SMG7: variants seen among roughly 807,000 people sequenced by gnomAD.
The protein encoded by SMG7 is SMG7 nonsense mediated mRNA decay factor, also known as nonsense-mediated mRNA decay factor SMG7.
In SMG7, 34 loss-of-function variants were observed where a neutral mutation model predicts 148.2. The observed-to-expected ratio is 0.23, with a 90% CI of 0.17 to 0.31. The LOEUF is 0.31. Ranked by LOEUF, SMG7 falls within the 10% of genes least tolerant of loss-of-function variation. The pLI, the probability that SMG7 is intolerant of heterozygous loss-of-function variation, is 1.00. For synonymous variants in SMG7, 492 were observed against 515.1 expected (o/e 0.96, Z 0.61); for missense variants, 1,114 against 1,408.4 (o/e 0.79, Z 3.35).
intron 2 of SMG7, chr1:183,513,505 G>T (rs1294415858): frequency 6.6e-6 from 1 of 152,658 alleles, no homozygotes; most frequent in Non-Finnish European, 1.5e-5. Flanking sequence ...CTGAGTAGGT[G>T]TGATTATAGG....
chr1:183,484,637 G>A (rs770672044), intron 1 of SMG7, among the ~76,000 whole-genome samples: 31 of 151,946 alleles, frequency 2.0e-4, no homozygotes, highest in Non-Finnish European at 3.7e-4. Flanking sequence ...TTGTATGAGG[G>A]TTACTTGCTT....
chr1:183,497,567 TTTTA>T (rs569846205), intron 1 of SMG7, among the ~76,000 whole-genome samples: 1 of 152,104 alleles, frequency 6.6e-6, no homozygotes, highest in South Asian at 2.1e-4. Context: ...TTATTTTTTA[TTTTA>T]TTTATTTATT....
intron 10 of SMG7, among the ~76,000 whole-genome samples, chr1:183,535,506 T>C (rs867258218): frequency 6.6e-6 from 1 of 152,220 alleles, no homozygotes; most frequent in African/African-American, 2.4e-5. Flanking sequence ...AAACTGAAGA[T>C]TTTTCCTTGT....
chr1:183,518,483 A>G (rs568529006), intron 4 of SMG7: 1 of 152,244 alleles, frequency 6.6e-6, no homozygotes, highest in African/African-American at 2.4e-5. Flanking sequence ...GCGCCAGATA[A>G]GAAATAGTCA....
At chr1:183,523,209 TAATC>T (rs970625649) in intron 4 of SMG7, among the ~76,000 whole-genome samples, 1 of 152,204 alleles carries the variant, frequency 6.6e-6, no homozygotes, top group Non-Finnish European at 1.5e-5. Context: ...TATACCTTCA[TAATC>T]AATCTTTCAT....
intron 1 of SMG7, among the ~76,000 whole-genome samples, chr1:183,482,539 G>A (rs1484584696): frequency 6.6e-6 from 1 of 152,038 alleles, no homozygotes; most frequent in Non-Finnish European, 1.5e-5. Context: ...TATGGTTTTA[G>A]TTACCTTGTG....
Position 183,527,404 on chromosome 1 carries a change from C to T in SMG7, c.485-552C>T, listed in dbSNP as rs1160970558. ...TAGATTTCTTAATATTGTAAGTCAG[C>T]GGTTCCATGAGGAGGTCACATCAGA... is the stretch of plus-strand genomic sequence containing the variant. On this transcript the variant is annotated intron_variant, in intron 5 of 22. Coordinates refer to ENST00000688051, the MANE Select transcript of SMG7 (RefSeq NM_001375584.1). This position sits in a 1 kb window ranked among gnomAD's most constrained non-coding sequence, Gnocchi z 4.0. Among the ~76,000 whole-genome samples the T allele has an allele frequency of 2.0e-5, 3 of 152,098 alleles. No homozygotes were observed. Among genetic ancestry groups the T allele is most frequent in the East Asian group, 1.9e-4 (1 of 5,190 alleles).
intron 4 of SMG7, among the ~76,000 whole-genome samples, chr1:183,519,152 C>G (rs931835339): frequency 6.6e-6 from 1 of 152,086 alleles, no homozygotes; most frequent in Non-Finnish European, 1.5e-5. Flanking sequence ...GTGATTGTGC[C>G]ACTGTACTCC....
intron 11 of SMG7, among the ~76,000 whole-genome samples, chr1:183,537,859 T>A (rs1286470907): frequency 6.6e-6 from 1 of 152,236 alleles, no homozygotes; most frequent in Non-Finnish European, 1.5e-5. Context: ...TAAATAATGC[T>A]GCACTGAACA....
intron 14 of SMG7, among the ~76,000 whole-genome samples, chr1:183,544,115 T>A (rs527573688): frequency 1.4e-4 from 22 of 152,286 alleles, no homozygotes; most frequent in African/African-American, 4.8e-4. Flanking sequence ...CATTTTTGGA[T>A]TTTTGTGATC....
chr1:183,550,671 C>T (rs1273551631), intron 20 of SMG7, 80 bp from the exon 21 acceptor site: 2 of 1,345,352 alleles, frequency 1.5e-6, no homozygotes, highest in African/African-American at 1.5e-5. Flanking sequence ...TTTTAGTGAT[C>T]AGATCTACAG....
At position 183,529,128 on chromosome 1, in the gene SMG7, A is replaced by T; in HGVS notation, c.707+86A>T. The stretch of plus-strand genomic sequence containing the variant: ...TTCCTCATAATTTGGTTTACAGAAA[A>T]TAACGGCCTATGCTTCTCTTATTTC... On this transcript the variant is annotated intron_variant, in intron 7 of 22. Coordinates refer to ENST00000688051, the MANE Select transcript of SMG7 (RefSeq NM_001375584.1). 3 of 1,247,414 alleles carry T rather than the reference A, an allele frequency of 2.4e-6. No homozygotes were observed. In the South Asian group the frequency reaches 4.3e-5, roughly 18 times the overall value. The allele number at this position is 1,247,414 out of a possible 1,614,324, so 77.3% of individuals were successfully genotyped here. A position where few individuals can be genotyped will look rare whatever the true frequency, so the allele number is the denominator to read the frequency against.
intron 1 of SMG7, among the ~76,000 whole-genome samples, chr1:183,473,402 G>A (rs17499589): frequency 0.086 from 13,011 of 151,978 alleles, 782 homozygotes; most frequent in Middle Eastern, 0.19. Context: ...GAGGTAGAGT[G>A]ACACATGGGA....
intron 4 of SMG7, among the ~76,000 whole-genome samples, chr1:183,519,270 C>T (rs529454838): frequency 6.6e-6 from 1 of 152,202 alleles, no homozygotes; most frequent in East Asian, 1.9e-4. Context: ...TAGACTAAAA[C>T]ATTCATCACA....
Position 183,553,237 on chromosome 1 carries a change from C to G in SMG7, c.*1306C>G, listed in dbSNP as rs1355638114. The G allele has an allele frequency of 1.3e-6, 2 of 1,501,766 alleles. No homozygotes were observed. The highest frequency in any genetic ancestry group is 2.4e-5 in the South Asian group (2 of 81,802). The allele number at this position is 1,501,766 out of a possible 1,614,324, so 93.0% of individuals were successfully genotyped here. On this transcript the variant is annotated 3_prime_UTR_variant, in exon 23 of 23. Coordinates refer to ENST00000688051, the MANE Select transcript of SMG7 (RefSeq NM_001375584.1). ...TGATATTTATTAGGAGGAAAGAGGA[C>G]TGAAAATGTTCTTGTGTAGAAACAG...
chr1:183,546,225 T>C lies in SMG7; in HGVS notation c.2630T>C (p.Met877Thr), dbSNP rs778139554. ...PEFYWDSSYS[M>T]ADNRSVMAQQ... ...TTCTACTGGGATTCTTCCTACAGCA[T>C]GGCTGATAACAGATCTGTAATGGCA... is the stretch of plus-strand genomic sequence containing the variant. The change falls in exon 17 of 23, where the codon ATG becomes ACG. Residue 877 changes from methionine (M) to threonine (T), a missense_variant. Transcript: ENST00000688051. 1 of 1,614,030 alleles carries C rather than the reference T, an allele frequency of 6.2e-7. No individual in the cohort carries two copies. Among genetic ancestry groups the C allele is most frequent in the Non-Finnish European group, 8.5e-7 (1 of 1,179,972 alleles).
Position 183,552,159 on chromosome 1 carries a change from G to A in SMG7, c.*228G>A. On this transcript the variant is annotated 3_prime_UTR_variant, in exon 23 of 23. Coordinates refer to ENST00000688051, the MANE Select transcript of SMG7 (RefSeq NM_001375584.1). ...GTCCCCCCGGGGCCCTCCGGAGGGA[G>A]AGAGAGAGGAACTGCTGTTTATCTC... 8.4e-7 allele frequency: 1 copy of A among 1,192,562 alleles called. No individual in the cohort carries two copies. The highest frequency in any genetic ancestry group is 3.2e-5 in the South Asian group (1 of 31,112). The allele number at this position is 1,192,562 out of a possible 1,614,324, so 73.9% of individuals were successfully genotyped here.
chr1:183,521,973 T>G (rs1252222482), intron 4 of SMG7, among the ~76,000 whole-genome samples: 1 of 152,136 alleles, frequency 6.6e-6, no homozygotes, highest in East Asian at 1.9e-4. Flanking sequence ...GGATCAGCTA[T>G]GGAAGCTAGC....
chr1:183,512,286 G>A (rs1662316265), intron 1 of SMG7, among the ~76,000 whole-genome samples: 1 of 152,092 alleles, frequency 6.6e-6, no homozygotes, highest in South Asian at 2.1e-4. Flanking sequence ...TAAATAAGAG[G>A]TGCAATACCT....
Sources: gnomAD v4.1 joint callset for allele counts (sites outside exome capture counted in the v4.1 genomes callset) on GRCh38, gnomAD v4.1.1 for gene constraint, Gnocchi (gnomAD v3.1) non-coding constraint, MANE v1.5 for transcripts, NCBI Gene and HGNC (gene_info 2026-07-23, HGNC 2026-07-21) for gene names.